The following CADPS variants were observed in gnomAD, a reference collection of about 807,000 sequenced individuals.
The protein encoded by CADPS is calcium-dependent secretion activator 1.
Under a neutral mutation model 167.3 loss-of-function variants are expected in CADPS, and 57 were observed. The observed-to-expected ratio is 0.34, with a 90% confidence interval of 0.28 to 0.42. The LOEUF is 0.42. Ranked by LOEUF, CADPS falls within the 20% of genes least tolerant of loss-of-function variation. The probability of loss-of-function intolerance (pLI) is 1.00; values close to 1 mark genes in which losing one functional copy is unlikely to be tolerated. For synonymous variants in CADPS, 676 were observed against 635.3 expected (o/e 1.06, Z -0.96); for missense variants, 1,414 against 1,738.1 (o/e 0.81, Z 3.32).
At chr3:62,639,705 C>T (rs1340566211) in intron 6 of CADPS, among the ~76,000 whole-genome samples, 2 of 152,202 alleles carry the variant, frequency 1.3e-5, no homozygotes, top group African/African-American at 4.8e-5. Context: ...TTAAACTCCG[C>T]CAATAGCTTC....
intron 17 of CADPS, chr3:62,499,941 T>C (rs1472701407): frequency 6.6e-6 from 1 of 152,200 alleles, no homozygotes; most frequent in Non-Finnish European, 1.5e-5. Flanking sequence ...ATGTACTTAA[T>C]TGTTTTCTTT....
At chr3:62,815,543 TTC>T (rs1477926488) in intron 1 of CADPS, among the ~76,000 whole-genome samples, 1 of 152,036 alleles carries the variant, frequency 6.6e-6, no homozygotes, top group African/African-American at 2.4e-5. Flanking sequence ...ATTTATAGAA[TTC>T]TCTGACATTC....
chr3:62,810,313 A>T (rs1157818319), intron 1 of CADPS, among the ~76,000 whole-genome samples: 2 of 152,196 alleles, frequency 1.3e-5, no homozygotes, highest in Non-Finnish European at 2.9e-5. Flanking sequence ...ATAAATGAGC[A>T]ATTTTATTCA....
At chr3:62,793,949 G>C (rs2093173630) in intron 1 of CADPS, among the ~76,000 whole-genome samples, 1 of 152,138 alleles carries the variant, frequency 6.6e-6, no homozygotes, top group African/African-American at 2.4e-5. Context: ...CTAGAGCCAA[G>C]AAGTCCAGGC....
intron 6 of CADPS, among the ~76,000 whole-genome samples, chr3:62,595,201 T>A (rs997740889): frequency 6.6e-6 from 1 of 151,960 alleles, no homozygotes; most frequent in Non-Finnish European, 1.5e-5. Context: ...ATGAAACCAC[T>A]GAGAAAGCAC....
chr3:62,468,613 G>A (rs765670062), intron 24 of CADPS, among the ~76,000 whole-genome samples: 1 of 152,072 alleles, frequency 6.6e-6, no homozygotes, highest in Non-Finnish European at 1.5e-5. Context: ...AGACATCGTG[G>A]CTTATGGAAA....
At position 62,414,981 on chromosome 3, in the gene CADPS, C is replaced by T. The variant is rs578163163; in HGVS notation, c.3778-11796G>A. 7.9e-5 allele frequency among the ~76,000 whole-genome samples: 12 copies of T among 152,164 alleles called. No homozygotes were observed. The East Asian group carries it at 2.1e-3, about 27-fold the overall frequency. On this transcript the variant is annotated intron_variant, in intron 28 of 29. Transcript: ENST00000383710. ...GCTCCAAGTCTGGGCAGGAAGTGACCGCTGGGCAAAAGCGGGACACAGACC... is the reference window on the plus strand; with the variant it reads ...GCTCCAAGTCTGGGCAGGAAGTGACTGCTGGGCAAAAGCGGGACACAGACC...
chr3:62,773,303 C>T (rs569228921), intron 1 of CADPS, among the ~76,000 whole-genome samples: 9 of 152,068 alleles, frequency 5.9e-5, no homozygotes, highest in Admixed American at 2.6e-4. Flanking sequence ...ACATAAAGTT[C>T]TTCTCACCTT....
Position 62,421,687 on chromosome 3 carries a change from G to GC in CADPS, c.3777+16416dup, listed in dbSNP as rs2051434645. Reference sequence around the variant, plus strand: ...CAAAGGAGGGGGAAGGGGGGACTTTGCCCAAGCCAAGGATTTGGCTATGAC... The same window carrying GC: ...CAAAGGAGGGGGAAGGGGGGACTTTGCCCCAAGCCAAGGATTTGGCTATGAC... On this transcript the variant is annotated intron_variant, in intron 28 of 29. Transcript: ENST00000383710. This position sits in a 1 kb window ranked among gnomAD's most constrained non-coding sequence, Gnocchi z 4.7. Among the ~76,000 whole-genome samples, 1 of 152,120 alleles carries GC rather than the reference G, an allele frequency of 6.6e-6. No individual in the cohort carries two copies. The highest frequency in any genetic ancestry group is 2.4e-5 in the African/African-American group (1 of 41,426).
At chr3:62,524,876 C>T (rs1234954277) in intron 13 of CADPS, among the ~76,000 whole-genome samples, 1 of 152,136 alleles carries the variant, frequency 6.6e-6, no homozygotes, top group Non-Finnish European at 1.5e-5. Flanking sequence ...ATTGGCACTG[C>T]ATAGATTTTT....
chr3:62,676,217 A>G (rs1580216615), intron 3 of CADPS, among the ~76,000 whole-genome samples: 1 of 152,154 alleles, frequency 6.6e-6, no homozygotes, highest in East Asian at 1.9e-4. Flanking sequence ...GAGAGTGGAA[A>G]AATACATTTT....
chr3:62,526,008 T>C (rs558539265), intron 13 of CADPS, among the ~76,000 whole-genome samples: 2 of 152,166 alleles, frequency 1.3e-5, no homozygotes, highest in African/African-American at 4.8e-5. Flanking sequence ...TGTCAGGATA[T>C]AGAAATTGAA....
chr3:62,832,499 G>A (rs532293660), intron 1 of CADPS, among the ~76,000 whole-genome samples: 2 of 152,136 alleles, frequency 1.3e-5, no homozygotes, highest in Non-Finnish European at 1.5e-5. Flanking sequence ...AGCATAAAAC[G>A]TGACCAGGAA....
chr3:62,523,234 C>A (rs1049257064), intron 13 of CADPS, among the ~76,000 whole-genome samples: 1 of 151,996 alleles, frequency 6.6e-6, no homozygotes, highest in African/African-American at 2.4e-5. Context: ...AGCTGCCCAA[C>A]CTTTGAGTGA....
chr3:62,592,561 T>C, intron 7 of CADPS, 76 bp downstream of exon 7: 1 of 1,077,516 alleles, frequency 9.3e-7, no homozygotes, highest in Admixed American at 1.8e-5. Context: ...ATGCTGCCTC[T>C]TGGTGACCTG....
chr3:62,628,769 G>T (rs2064653935), intron 6 of CADPS, among the ~76,000 whole-genome samples: 1 of 151,968 alleles, frequency 6.6e-6, no homozygotes, highest in African/African-American at 2.4e-5. Flanking sequence ...TGGGACCACA[G>T]GTGCCCGCCA....
chr3:62,465,228 A>G lies in CADPS; in HGVS notation c.3636+139T>C, dbSNP rs2059811319. Reference sequence around the variant, plus strand: ...TTATTAAATGTTTGGCTTTTCACATAGTGTTAATATTATACAATAGTTGAC... The same window carrying G: ...TTATTAAATGTTTGGCTTTTCACATGGTGTTAATATTATACAATAGTTGAC... On this transcript the variant is annotated intron_variant, in intron 26 of 29. Coordinates refer to ENST00000383710, the MANE Select transcript of CADPS (RefSeq NM_003716.4). The surrounding 1 kb of genome is among the most constrained non-coding windows in gnomAD (Gnocchi z 4.1). 2 of 524,618 alleles carry G rather than the reference A, an allele frequency of 3.8e-6. No individual in the cohort carries two copies. The highest frequency in any genetic ancestry group is 6.9e-6 in the Non-Finnish European group (2 of 289,722). 32.5% of individuals were successfully genotyped at this position (524,618 alleles called of 1,614,324 possible). A position where few individuals can be genotyped will look rare whatever the true frequency, so the allele number is the denominator to read the frequency against.
chr3:62,766,074 T>C (rs2086785673), intron 1 of CADPS, 90 bp from the exon 2 acceptor site: 2 of 875,946 alleles, frequency 2.3e-6, no homozygotes, highest in Non-Finnish European at 3.7e-6. Flanking sequence ...GACCCATTGG[T>C]GTATTGGAGC....
intron 3 of CADPS, among the ~76,000 whole-genome samples, chr3:62,671,992 G>A (rs905005870): frequency 5.3e-5 from 8 of 151,914 alleles, no homozygotes; most frequent in African/African-American, 1.2e-4. Context: ...ATGTTGGCCC[G>A]GATGGTCTCG....
Sources: gnomAD v4.1 joint callset for allele counts (sites outside exome capture counted in the v4.1 genomes callset) on GRCh38, gnomAD v4.1.1 for gene constraint, Gnocchi (gnomAD v3.1) non-coding constraint, MANE v1.5 for transcripts, NCBI Gene and HGNC (gene_info 2026-07-23, HGNC 2026-07-21) for gene names.